Variants in NRG3 observed in about 807,000 individuals in gnomAD.
The protein encoded by NRG3 is neuregulin 3, also known as pro-neuregulin-3, membrane-bound isoform.
In NRG3, 31 loss-of-function variants were observed where a neutral mutation model predicts 66.9. That is an observed-to-expected ratio of 0.46 (90% confidence interval 0.35 to 0.63). The LOEUF is 0.63. Among genes scored for constraint, NRG3 ranks in the 20% least tolerant of loss-of-function variants. NRG3 has a pLI of 0.00. For synonymous variants in NRG3, 393 were observed against 359.4 expected, an observed-to-expected ratio of 1.09 and a Z score of -1.06; for missense variants, 910 against 878.9, an observed-to-expected ratio of 1.04 and a Z score of -0.45.
At chr10:82,416,474 A>G (rs188743970) in intron 2 of NRG3, among the ~76,000 whole-genome samples, 69 of 152,328 alleles carry the variant, frequency 4.5e-4, no homozygotes, top group Admixed American at 1.7e-3. Flanking sequence ...AAGGTTGTCC[A>G]TAGAATGAAA....
At chr10:82,434,805 G>A (rs929975276) in intron 2 of NRG3, among the ~76,000 whole-genome samples, 3 of 152,078 alleles carry the variant, frequency 2.0e-5, no homozygotes, top group East Asian at 1.9e-4. Context: ...TGACTTGATC[G>A]TGGTGGATAA....
chr10:82,646,985 T>A (rs1373430283), intron 2 of NRG3, among the ~76,000 whole-genome samples: 1 of 151,822 alleles, frequency 6.6e-6, no homozygotes, highest in Non-Finnish European at 1.5e-5. Flanking sequence ...TCACCTTTAT[T>A]TTTTTATGTT....
chr10:82,683,273 T>A (rs761947162), intron 2 of NRG3, among the ~76,000 whole-genome samples: 15 of 152,012 alleles, frequency 9.9e-5, no homozygotes, highest in Non-Finnish European at 2.2e-4. Flanking sequence ...TAATTTTGTA[T>A]TTCTCCCTCC....
intron 2 of NRG3, among the ~76,000 whole-genome samples, chr10:82,495,456 A>G (rs1843538030): frequency 6.6e-6 from 1 of 151,286 alleles, no homozygotes; most frequent in African/African-American, 2.4e-5. Flanking sequence ...TTTCCCATGC[A>G]TTTCTCTTTT....
chr10:82,156,804 G>A (rs1208753412), intron 1 of NRG3, among the ~76,000 whole-genome samples: 1 of 151,480 alleles, frequency 6.6e-6, no homozygotes, highest in Admixed American at 6.6e-5. Flanking sequence ...AATAATATAG[G>A]TATGATTATC....
intron 4 of NRG3, among the ~76,000 whole-genome samples, chr10:82,948,383 A>G (rs1849216548): frequency 2.0e-5 from 3 of 152,108 alleles, no homozygotes; most frequent in Non-Finnish European, 2.9e-5. Context: ...GGCTACAGGA[A>G]CGTTGTTTTG....
chr10:82,518,902 C>T (rs1255895831), intron 2 of NRG3, among the ~76,000 whole-genome samples: 4 of 152,114 alleles, frequency 2.6e-5, no homozygotes, highest in Admixed American at 1.3e-4. Flanking sequence ...CCTCTCATAA[C>T]ACCAAGAGAT....
intron 1 of NRG3, among the ~76,000 whole-genome samples, chr10:82,144,315 A>G (rs539973614): frequency 6.6e-6 from 1 of 152,214 alleles, no homozygotes; most frequent in East Asian, 1.9e-4. Flanking sequence ...ATATTAAGTG[A>G]TCTTTGAAGC....
intron 1 of NRG3, among the ~76,000 whole-genome samples, chr10:81,925,435 AAGC>A (rs1189405976): frequency 1.3e-5 from 2 of 152,226 alleles, no homozygotes; most frequent in Non-Finnish European, 2.9e-5. Context: ...CATGATGTGG[AAGC>A]AATAGATATG....
At position 81,875,983 on chromosome 10, in the gene NRG3, A is replaced by G; in HGVS notation, c.643A>G (p.Thr215Ala). 6.2e-7 allele frequency: 1 copy of G among 1,613,856 alleles called. No homozygotes were observed. The highest frequency in any genetic ancestry group is 8.5e-7 in the Non-Finnish European group (1 of 1,179,984). Reference protein sequence around the residue: ...TLGSRPPVPGTPSTQAMPSWP... With the variant: ...TLGSRPPVPGAPSTQAMPSWP... The stretch of plus-strand genomic sequence containing the variant: ...GGGCTCCCGACCCCCGGTGCCAGGA[A>G]CTCCAAGTACCCAGGCAATGCCCTC... The change falls in exon 1 of 9, where the codon ACT becomes GCT. Residue 215 changes from threonine (T) to alanine (A), a missense_variant. By Grantham distance (58) the Thr-to-Ala change is moderately conservative (BLOSUM62 0). Coordinates refer to ENST00000372141, the MANE Select transcript of NRG3 (RefSeq NM_001010848.4). This position sits in a 1 kb window ranked among gnomAD's most constrained non-coding sequence, Gnocchi z 5.3.
chr10:82,648,955 G>T (rs1024516563), intron 2 of NRG3, among the ~76,000 whole-genome samples: 4 of 152,054 alleles, frequency 2.6e-5, no homozygotes, highest in Admixed American at 6.5e-5. Context: ...AATAAATTAG[G>T]TATTGATGGG....
chr10:82,131,293 G>C (rs952272659), intron 1 of NRG3, among the ~76,000 whole-genome samples: 1 of 152,152 alleles, frequency 6.6e-6, no homozygotes, highest in East Asian at 1.9e-4. Flanking sequence ...TATTTAAAGA[G>C]ACTACCCTTT....
chr10:81,903,252 C>G (rs1352001621), intron 1 of NRG3, among the ~76,000 whole-genome samples: 1 of 152,056 alleles, frequency 6.6e-6, no homozygotes, highest in South Asian at 2.1e-4. Context: ...GCTTCAGGCT[C>G]ATTTTTACCA....
At chr10:82,671,724 C>G (rs1217831232) in intron 2 of NRG3, among the ~76,000 whole-genome samples, 1 of 152,184 alleles carries the variant, frequency 6.6e-6, no homozygotes, top group Admixed American at 6.6e-5. Flanking sequence ...GAGAGATGAA[C>G]CAACTCAGTT....
At chr10:82,059,280 A>T (rs1231850485) in intron 1 of NRG3, among the ~76,000 whole-genome samples, 1 of 152,142 alleles carries the variant, frequency 6.6e-6, no homozygotes, top group Non-Finnish European at 1.5e-5. Flanking sequence ...CCTTAGAGGG[A>T]TGGGCTGATT....
chr10:82,213,507 A>G (rs1465293494), intron 1 of NRG3, among the ~76,000 whole-genome samples: 1 of 152,182 alleles, frequency 6.6e-6, no homozygotes, highest in African/African-American at 2.4e-5. Context: ...ATGTATGTGT[A>G]TATATTCCAA....
chr10:82,679,013 C>T (rs566389507), intron 2 of NRG3, among the ~76,000 whole-genome samples: 2 of 152,276 alleles, frequency 1.3e-5, no homozygotes, highest in Admixed American at 6.5e-5. Context: ...ACCTGGATTT[C>T]AATTTTTATG....
At chr10:82,601,920 CTA>C (rs530349451) in intron 2 of NRG3, among the ~76,000 whole-genome samples, 1 of 143,044 alleles carries the variant, frequency 7.0e-6, no homozygotes, top group Non-Finnish European at 1.5e-5. Flanking sequence ...ATATATAAAA[CTA>C]TATATATATA....
At chr10:82,263,911 A>G (rs1483532891) in intron 1 of NRG3, among the ~76,000 whole-genome samples, 2 of 152,234 alleles carry the variant, frequency 1.3e-5, no homozygotes, top group Non-Finnish European at 2.9e-5. Context: ...AAGTTAGGAT[A>G]TACTGATGGT....
Sources: allele counts gnomAD v4.1 joint callset (sites outside exome capture counted in the v4.1 genomes callset), GRCh38; gene constraint gnomAD v4.1.1; non-coding constraint Gnocchi (gnomAD v3.1); transcripts MANE v1.5; gene names NCBI Gene and HGNC (gene_info 2026-07-23, HGNC 2026-07-21).